ARHGEF10: variants seen among roughly 807,000 people sequenced by gnomAD.
The protein encoded by ARHGEF10 is Rho guanine nucleotide exchange factor 10, also known as Rho guanine nucleotide exchange factor (GEF) 10.
In ARHGEF10, 140 loss-of-function variants were observed where a neutral mutation model predicts 147.4. The ratio of observed to expected loss-of-function variants is 0.95; its 90% CI spans 0.83 to 1.09. The LOEUF is 1.09. ARHGEF10 is among the 50% of genes least tolerant of loss of function. ARHGEF10 has a pLI of 0.00. For missense variants in ARHGEF10, 2,222 were observed against 1,752.7 expected (o/e 1.27, Z -4.78); for synonymous variants, 902 against 695.8 (o/e 1.30, Z -4.67).
Position 1,866,566 on chromosome 8 carries a change from T to C in ARHGEF10, c.586T>C (p.Trp196Arg). The change falls in exon 6 of 29, where the codon TGG (tryptophan) becomes CGG (arginine). Residue 196 changes from tryptophan (W) to arginine (R), a missense_variant. Coordinates refer to ENST00000349830, the MANE Select transcript of ARHGEF10 (RefSeq NM_014629.4). ...VGREDSALAR[W>R]AADPANTAWM... ...TCGAGAGGACAGCGCACTTGCCCGC[T>C]GGGCCGCAGACCCGGCCAACACAGC... 3 of 1,608,826 alleles carry C rather than the reference T, an allele frequency of 1.9e-6. No individual in the cohort carries two copies. Among genetic ancestry groups the C allele is most frequent in the Non-Finnish European group, 1.7e-6 (2 of 1,179,976 alleles).
At chr8:1,880,253 C>T (rs2043012165) in intron 9 of ARHGEF10, 89 bp downstream of exon 9, 2 of 906,692 alleles carry the variant, frequency 2.2e-6, no homozygotes, top group Admixed American at 1.8e-5. Flanking sequence ...GCTGTCTCAA[C>T]AGCGGTTCTC....
At chr8:1,907,512 G>C (rs1023719997) in intron 17 of ARHGEF10, among the ~76,000 whole-genome samples, 7 of 152,194 alleles carry the variant, frequency 4.6e-5, no homozygotes, top group African/African-American at 1.7e-4. Flanking sequence ...ACTGATGTTT[G>C]TCTGACACTG....
At chr8:1,882,849 C>G (rs1325841759) in intron 10 of ARHGEF10, 100 bp downstream of exon 10, 2 of 987,088 alleles carry the variant, frequency 2.0e-6, no homozygotes, top group Admixed American at 4.0e-5. Context: ...CGCGCAGGCT[C>G]CCACAGCCTT....
At chr8:1,909,918 C>T (rs1285415495) in intron 18 of ARHGEF10, among the ~76,000 whole-genome samples, 4 of 152,156 alleles carry the variant, frequency 2.6e-5, no homozygotes, top group Admixed American at 6.5e-5. Flanking sequence ...TGTCTTTACT[C>T]AGTTTCCCCA....
chr8:1,836,565 A>G (rs1304096859), intron 1 of ARHGEF10, among the ~76,000 whole-genome samples: 1 of 152,048 alleles, frequency 6.6e-6, no homozygotes, highest in Non-Finnish European at 1.5e-5. Flanking sequence ...TGTGGCCTGG[A>G]GGTTCTAGGG....
In ARHGEF10 at chr8:1,893,554, C is replaced by G. The variant is rs1563246480; in HGVS notation, c.1183-15C>G. 3 of 1,597,370 alleles carry G rather than the reference C, an allele frequency of 1.9e-6. No individual in the cohort carries two copies. Among genetic ancestry groups the G allele is most frequent in the East Asian group, 2.2e-5 (1 of 44,666 alleles). On this transcript the variant is annotated splice_polypyrimidine_tract_variant and intron_variant, in intron 11 of 28. Coordinates refer to ENST00000349830, the MANE Select transcript of ARHGEF10 (RefSeq NM_014629.4). ...AAAGCAGTTTTCTATCATTGTACTT[C>G]CAAATTTCCAACAGGTTGTAAGAAG...
chr8:1,922,919 G>C (rs938594343), intron 18 of ARHGEF10, 45 bp from the exon 19 acceptor site: 3 of 1,395,052 alleles, frequency 2.2e-6, no homozygotes, highest in African/African-American at 1.4e-5. Context: ...AGTAAATATG[G>C]CTTTACCTTT....
intron 2 of ARHGEF10, among the ~76,000 whole-genome samples, chr8:1,844,449 C>T (rs113022086): frequency 0.018 from 2,219 of 123,688 alleles, 220 homozygotes; most frequent in African/African-American, 0.044. Flanking sequence ...ACGACAGAGA[C>T]GGGAGAATCC....
intron 4 of ARHGEF10, 60 bp from the exon 5 acceptor site, chr8:1,864,313 C>A: frequency 6.6e-7 from 1 of 1,525,716 alleles, no homozygotes; most frequent in Non-Finnish European, 9.0e-7. Flanking sequence ...GTAAAAACAT[C>A]AACTTCATGA....
intron 11 of ARHGEF10, among the ~76,000 whole-genome samples, chr8:1,890,524 G>C (rs897848583): frequency 2.0e-5 from 3 of 150,802 alleles, no homozygotes; most frequent in African/African-American, 7.4e-5. Flanking sequence ...GGGCGAGACG[G>C]GTCTCTGAGG....
At chr8:1,843,152 T>A (rs1004882261) in intron 1 of ARHGEF10, among the ~76,000 whole-genome samples, 1 of 152,184 alleles carries the variant, frequency 6.6e-6, no homozygotes, top group Non-Finnish European at 1.5e-5. Flanking sequence ...CACTGAGAAG[T>A]CTCTTTTGTT....
At chr8:1,845,488 G>A (rs1052710646) in intron 2 of ARHGEF10, among the ~76,000 whole-genome samples, 1 of 152,146 alleles carries the variant, frequency 6.6e-6, no homozygotes, top group Non-Finnish European at 1.5e-5. Context: ...TACAGTTGTT[G>A]GGGAAAGTTA....
At chr8:1,850,170 G>A (rs146158619) in intron 2 of ARHGEF10, among the ~76,000 whole-genome samples, 3,604 of 107,752 alleles carry the variant, frequency 0.033, 246 homozygotes, top group Non-Finnish European at 0.057. Flanking sequence ...GGACACAGAG[G>A]GCAAATGCTG....
chr8:1,909,802 T>C (rs754155935), intron 18 of ARHGEF10, among the ~76,000 whole-genome samples: 2 of 152,180 alleles, frequency 1.3e-5, no homozygotes, highest in Non-Finnish European at 2.9e-5. Context: ...AGTGCTGGTC[T>C]CTTGAGTGTG....
chr8:1,869,497 A>G, intron 7 of ARHGEF10: 1 of 621,638 alleles, frequency 1.6e-6, no homozygotes, highest in Non-Finnish European at 2.9e-6. Flanking sequence ...GAGTAAAGGT[A>G]CAGAAAATGC....
intron 1 of ARHGEF10, among the ~76,000 whole-genome samples, chr8:1,841,280 G>T (rs760452786): frequency 7.2e-5 from 11 of 152,156 alleles, no homozygotes; most frequent in Non-Finnish European, 1.6e-4. Context: ...AATCTATGTA[G>T]AAGGTTATTT....
At chr8:1,860,421 T>A (rs1424106201) in intron 4 of ARHGEF10, among the ~76,000 whole-genome samples, 1 of 137,366 alleles carries the variant, frequency 7.3e-6, no homozygotes, top group Admixed American at 7.2e-5. Flanking sequence ...GCCCCCGATG[T>A]GGCCTGTGGT....
intron 18 of ARHGEF10, among the ~76,000 whole-genome samples, chr8:1,922,444 A>C (rs1317841787): frequency 6.6e-6 from 1 of 152,196 alleles, no homozygotes; most frequent in Non-Finnish European, 1.5e-5. Flanking sequence ...AATCAAACTC[A>C]AATTGTGAGA....
intron 12 of ARHGEF10, among the ~76,000 whole-genome samples, chr8:1,894,129 A>G (rs904424745): frequency 8.6e-5 from 13 of 150,608 alleles, no homozygotes; most frequent in African/African-American, 1.2e-4. Flanking sequence ...AGCTGAGATC[A>G]TGCCATTGCA....
Sources: gnomAD v4.1 joint callset for allele counts (sites outside exome capture counted in the v4.1 genomes callset) on GRCh38, gnomAD v4.1.1 for gene constraint, MANE v1.5 for transcripts, NCBI Gene and HGNC (gene_info 2026-07-23, HGNC 2026-07-21) for gene names.